HTR4: variants seen among roughly 807,000 people sequenced by gnomAD.
HTR4 encodes 5-hydroxytryptamine receptor 4.
Under a neutral mutation model 36.8 loss-of-function variants are expected in HTR4, and 16 were observed. The observed-to-expected ratio is 0.43, with a 90% CI of 0.29 to 0.66. The LOEUF (loss-of-function observed/expected upper bound fraction) is 0.66, where lower values mean the gene tolerates loss of function less well. Ranked by LOEUF, HTR4 falls within the 30% of genes least tolerant of loss-of-function variation. The probability of loss-of-function intolerance (pLI) is 0.13; values close to 1 mark genes in which losing one functional copy is unlikely to be tolerated. For missense variants in HTR4, 438 were observed against 490.9 expected (o/e 0.89, Z 1.02); for synonymous variants, 189 against 185.1 (o/e 1.02, Z -0.17).
At chr5:148,621,116 G>A (rs1752901141) in intron 2 of HTR4, among the ~76,000 whole-genome samples, 1 of 152,220 alleles carries the variant, frequency 6.6e-6, no homozygotes, top group Non-Finnish European at 1.5e-5. Context: ...ATTTGTTTGA[G>A]TTAGGGAGAC....
intron 5 of HTR4, among the ~76,000 whole-genome samples, chr5:148,468,751 A>G (rs1755496200): frequency 1.3e-5 from 2 of 152,086 alleles, no homozygotes; most frequent in African/African-American, 4.8e-5. Flanking sequence ...CCCCTCCCAA[A>G]TCTCATCTTG....
At chr5:148,602,425 A>T (rs1186268098) in intron 2 of HTR4, among the ~76,000 whole-genome samples, 5 of 152,238 alleles carry the variant, frequency 3.3e-5, no homozygotes, top group African/African-American at 1.2e-4. Flanking sequence ...AAATGTTTCA[A>T]ACTAGGTGAT....
rs1375768784 is a variant in HTR4, at chr5:148,653,409, C to T, written c.-48+653G>A. ...TCAAAGACAACTAACAGCACAGTGC[C>T]GCACAGGGTAGCAAGCTGTGAGGAA... On this transcript the variant is annotated intron_variant, in intron 1 of 6. Transcript: ENST00000377888. 3.9e-5 allele frequency among the ~76,000 whole-genome samples: 6 copies of T among 152,150 alleles called. No homozygotes were observed. The East Asian group carries it at 7.7e-4, about 20-fold the overall frequency.
intron 2 of HTR4, among the ~76,000 whole-genome samples, chr5:148,596,494 T>C (rs775165449): frequency 1.3e-5 from 2 of 152,208 alleles, no homozygotes; most frequent in African/African-American, 4.8e-5. Context: ...TGTCTCTAGC[T>C]CAGCGTTTCC....
chr5:148,570,977 T>C lies in HTR4; in HGVS notation c.27-20715A>G, dbSNP rs2081012796. Among the ~76,000 whole-genome samples the C allele has an allele frequency of 2.0e-5, 3 of 152,120 alleles. No individual in the cohort carries two copies. In the South Asian group the frequency reaches 6.2e-4, roughly 32 times the overall value. On this transcript the variant is annotated intron_variant, in intron 2 of 6. Coordinates refer to ENST00000377888, the MANE Select transcript of HTR4 (RefSeq NM_000870.7). ...CATCTCCTAGGGGATGTTTGAGATA[T>C]CTTTGGGATACTGGGTTGTAGTTAT...
chr5:148,636,715 T>C (rs1015614199), intron 2 of HTR4, among the ~76,000 whole-genome samples: 21 of 152,198 alleles, frequency 1.4e-4, no homozygotes, highest in Non-Finnish European at 5.9e-5. Flanking sequence ...TTCTTCCTAT[T>C]ACAGAGATGA....
chr5:148,541,335 A>C (rs150380276), intron 4 of HTR4, among the ~76,000 whole-genome samples: 211 of 152,318 alleles, frequency 1.4e-3, no homozygotes, highest in African/African-American at 4.8e-3. Context: ...TGCTCAGCCA[A>C]ACATGCATGG....
intron 6 of HTR4, among the ~76,000 whole-genome samples, chr5:148,489,959 C>T (rs1440848633): frequency 6.6e-6 from 1 of 151,938 alleles, no homozygotes; most frequent in African/African-American, 2.4e-5. Flanking sequence ...CAGCTTCTCC[C>T]TTTATGGCTA....
chr5:148,559,027 G>A (rs1000394729), intron 2 of HTR4, among the ~76,000 whole-genome samples: 1 of 152,156 alleles, frequency 6.6e-6, no homozygotes, highest in Non-Finnish European at 1.5e-5. Flanking sequence ...AATGTGCTCA[G>A]AAAGCTTACA....
chr5:148,501,410 C>G (rs1259179806), intron 6 of HTR4, among the ~76,000 whole-genome samples: 1 of 152,148 alleles, frequency 6.6e-6, no homozygotes, highest in Non-Finnish European at 1.5e-5. Flanking sequence ...AAAGCTGATA[C>G]TGATTTTCAT....
chr5:148,594,030 A>G (rs1761674461), intron 2 of HTR4, among the ~76,000 whole-genome samples: 2 of 152,200 alleles, frequency 1.3e-5, no homozygotes, highest in Admixed American at 1.3e-4. Flanking sequence ...TCATTATACT[A>G]AGCATATTTA....
intron 4 of HTR4, among the ~76,000 whole-genome samples, chr5:148,529,854 A>G (rs913050556): frequency 2.6e-5 from 4 of 152,192 alleles, no homozygotes; most frequent in African/African-American, 9.6e-5. Context: ...GTGGTCTCAG[A>G]TAGAGATGAG....
chr5:148,550,064 TG>T, intron 3 of HTR4, 72 bp downstream of exon 3: 1 of 1,459,802 alleles, frequency 6.9e-7, no homozygotes, highest in Non-Finnish European at 9.3e-7. Context: ...CTAATAGAAA[TG>T]TTCACACCCA....
chr5:148,605,362 G>A (rs895414172), intron 2 of HTR4, among the ~76,000 whole-genome samples: 2 of 148,110 alleles, frequency 1.4e-5, no homozygotes, highest in African/African-American at 5.0e-5. Context: ...AGGTTCAAGC[G>A]ATTCTCCTGC....
chr5:148,531,196 C>T (rs761613942), intron 4 of HTR4, among the ~76,000 whole-genome samples: 2 of 152,028 alleles, frequency 1.3e-5, no homozygotes, highest in African/African-American at 4.8e-5. Context: ...AATGTGAGGA[C>T]GTGAGATTTG....
At chr5:148,576,642 A>G (rs1293404529) in intron 2 of HTR4, among the ~76,000 whole-genome samples, 1 of 152,120 alleles carries the variant, frequency 6.6e-6, no homozygotes, top group Non-Finnish European at 1.5e-5. Context: ...ATGGAATAGA[A>G]TAGAGAGCCC....
chr5:148,518,470 A>G (rs922586157), intron 5 of HTR4, among the ~76,000 whole-genome samples: 2 of 152,200 alleles, frequency 1.3e-5, no homozygotes, highest in Admixed American at 6.5e-5. Context: ...AGTCCAAGTT[A>G]GCGTTAGCAT....
intron 1 of HTR4, among the ~76,000 whole-genome samples, chr5:148,647,101 C>T (rs771125692): frequency 6.6e-6 from 1 of 152,176 alleles, no homozygotes; most frequent in African/African-American, 2.4e-5. Context: ...CCAGGTTTAT[C>T]GCTGTTCAGT....
intron 2 of HTR4, among the ~76,000 whole-genome samples, chr5:148,612,143 C>T (rs1207471453): frequency 1.3e-5 from 2 of 152,090 alleles, no homozygotes; most frequent in African/African-American, 2.4e-5. Context: ...AACAAGGATA[C>T]CCAGGAATTA....
Sources: gnomAD v4.1 joint callset for allele counts (sites outside exome capture counted in the v4.1 genomes callset) on GRCh38, gnomAD v4.1.1 for gene constraint, MANE v1.5 for transcripts, NCBI Gene and HGNC (gene_info 2026-07-23, HGNC 2026-07-21) for gene names.